Variants in YTHDF1 observed in about 807,000 individuals in gnomAD.
YTHDF1 encodes YTH N6-methyladenosine RNA binding protein F1.
Under a neutral mutation model 49.1 loss-of-function variants are expected in YTHDF1, and 16 were observed. The observed-to-expected ratio is 0.33, with a 90% confidence interval of 0.22 to 0.49. YTHDF1 has a LOEUF of 0.49. YTHDF1 is among the 20% of genes least tolerant of loss of function. YTHDF1 has a pLI of 0.99. For synonymous variants in YTHDF1, 313 were observed against 290.1 expected (o/e 1.08, Z -0.80); for missense variants, 621 against 744.3 (o/e 0.83, Z 1.93).
intron 4 of YTHDF1, among the ~76,000 whole-genome samples, chr20:63,200,048 G>C (rs1271178410): frequency 6.6e-6 from 1 of 151,456 alleles, no homozygotes; most frequent in Non-Finnish European, 1.5e-5. Context: ...AGAAAGACCT[G>C]TCTCAAAAAC....
intron 3 of YTHDF1, among the ~76,000 whole-genome samples, chr20:63,210,409 T>C (rs979194752): frequency 5.3e-5 from 8 of 152,182 alleles, no homozygotes; most frequent in Admixed American, 4.6e-4. Flanking sequence ...TAGGAACTGT[T>C]CTGGGTCATT....
chr20:63,211,989 AC>A (rs2066576731), intron 3 of YTHDF1, among the ~76,000 whole-genome samples: 2 of 135,966 alleles, frequency 1.5e-5, no homozygotes, highest in Middle Eastern at 4.3e-3. Context: ...ACACACACAC[AC>A]ACACACACAC....
At position 63,212,700 on chromosome 20, in the gene YTHDF1, A is replaced by C. The variant is rs186526909; in HGVS notation, c.132+1164T>G. ...CTCTTGGGAGTTTTGCTGCAACAGC[A>C]GCACAGAGGAGAGAGAGCAGCTCCC... On this transcript the variant is annotated intron_variant, in intron 3 of 4. Coordinates refer to ENST00000370339, the MANE Select transcript of YTHDF1 (RefSeq NM_017798.4). 9.8e-4 allele frequency among the ~76,000 whole-genome samples: 150 copies of C among 152,360 alleles called. 1 individual carries two copies. The highest frequency in any genetic ancestry group is 6.9e-4 in the Non-Finnish European group (47 of 68,036).
chr20:63,199,212 C>T (rs945997238), intron 4 of YTHDF1, among the ~76,000 whole-genome samples: 1 of 152,242 alleles, frequency 6.6e-6, no homozygotes, highest in Non-Finnish European at 1.5e-5. Flanking sequence ...CGGCACACTA[C>T]TTTGTTCTTA....
rs1376674093 is a variant in YTHDF1, at chr20:63,203,929, C to T, written c.133-122G>A. On this transcript the variant is annotated intron_variant, in intron 3 of 4. Coordinates refer to ENST00000370339, the MANE Select transcript of YTHDF1 (RefSeq NM_017798.4). This position sits in a 1 kb window ranked among gnomAD's most constrained non-coding sequence, Gnocchi z 4.4. ...AAACCTGCACAGCATGGGGCTACTC[C>T]TTCCAGAAAGAAAGCTGTAGTCGCC... 3.9e-5 allele frequency: 35 copies of T among 902,866 alleles called. No homozygotes were observed. The highest frequency in any genetic ancestry group is 5.7e-5 in the Non-Finnish European group (35 of 616,154). 55.9% of individuals were successfully genotyped at this position (902,866 alleles called of 1,614,324 possible). A position where few individuals can be genotyped will look rare whatever the true frequency, so the allele number is the denominator to read the frequency against.
intron 3 of YTHDF1, among the ~76,000 whole-genome samples, chr20:63,205,243 T>A (rs1304132002): frequency 6.6e-6 from 1 of 151,970 alleles, no homozygotes; most frequent in Admixed American, 6.6e-5. Flanking sequence ...GGACACCAGG[T>A]GGGAAAGTAG....
Position 63,213,901 on chromosome 20 carries a change from T to C in YTHDF1, c.95A>G (p.Asn32Ser), listed in dbSNP as rs765157672. Reference sequence around the variant, plus strand: ...TCCAGTAAGGTAGGGCTCAAAGTCATTGTCATGAACTGTATCCTTCTGATG... The same window carrying C: ...TCCAGTAAGGTAGGGCTCAAAGTCACTGTCATGAACTGTATCCTTCTGATG... ...SLHQKDTVHD[N>S]DFEPYLTGQS... The change falls in exon 3 of 5, where the codon AAT becomes AGT. Residue 32 changes from asparagine to serine, a missense_variant. Asn to Ser is a conservative substitution (Grantham distance 46, BLOSUM62 1). This residue lies in a region of YTHDF1 where 470 missense variants were observed against 495.8 expected (regional missense o/e 0.95). Transcript: ENST00000370339. 5.0e-6 allele frequency: 8 copies of C among 1,587,636 alleles called. No individual in the cohort carries two copies. The Admixed American group carries it at 9.7e-5, about 19-fold the overall frequency.
chr20:63,213,855 TAA>T lies in YTHDF1; in HGVS notation c.132+7_132+8del, dbSNP rs755801468. 1.1e-5 allele frequency: 18 copies of T among 1,599,912 alleles called. No individual in the cohort carries two copies. The East Asian group carries it at 3.8e-4, about 34-fold the overall frequency. ...TAAAAACAAATATATGCTAACAAAA[TAA>T]ACTCACCTGATTTGACTGTCCAGTA... On this transcript the variant is annotated splice_region_variant and intron_variant, in intron 3 of 4. Transcript: ENST00000370339.
chr20:63,205,113 A>T (rs138817896), intron 3 of YTHDF1, among the ~76,000 whole-genome samples: 1 of 152,154 alleles, frequency 6.6e-6, no homozygotes, highest in East Asian at 1.9e-4. Flanking sequence ...CCAAGTAACC[A>T]GAAGGTTCTA....
intron 2 of YTHDF1, among the ~76,000 whole-genome samples, chr20:63,214,851 G>T (rs1263826330): frequency 6.6e-6 from 1 of 152,192 alleles, no homozygotes; most frequent in Non-Finnish European, 1.5e-5. Context: ...ATGGGAGGCA[G>T]GTTTGCCCTC....
intron 3 of YTHDF1, among the ~76,000 whole-genome samples, chr20:63,206,082 G>A (rs942514119): frequency 2.0e-5 from 3 of 152,204 alleles, no homozygotes; most frequent in Non-Finnish European, 4.4e-5. Flanking sequence ...GTCACTGGCC[G>A]CAGGTGCCTT....
chr20:63,213,749 TTTA>T, intron 3 of YTHDF1, 112 bp downstream of exon 3: 1 of 937,036 alleles, frequency 1.1e-6, no homozygotes. Context: ...TTCCTAATAC[TTTA>T]TAGTCTGCTG....
At chr20:63,199,872 A>T (rs2066509770) in intron 4 of YTHDF1, among the ~76,000 whole-genome samples, 2 of 152,124 alleles carry the variant, frequency 1.3e-5, no homozygotes, top group Admixed American at 6.5e-5. Flanking sequence ...CAGCCTGGGC[A>T]ACATAGCAAG....
chr20:63,207,337 T>C (rs1050759432), intron 3 of YTHDF1, among the ~76,000 whole-genome samples: 9 of 151,852 alleles, frequency 5.9e-5, no homozygotes, highest in African/African-American at 9.7e-5. Flanking sequence ...GGCGTGGTGG[T>C]GGGTGCCTGT....
chr20:63,203,085 G>T lies in YTHDF1; in HGVS notation c.855C>A (p.Val285=). The T allele has an allele frequency of 6.2e-7, 1 of 1,607,360 alleles. No individual in the cohort carries two copies. Among genetic ancestry groups the T allele is most frequent in the Non-Finnish European group, 8.5e-7 (1 of 1,176,022 alleles). The change falls in exon 4 of 5, where the codon GTC becomes GTA. Residue 285 remains valine, a synonymous_variant. Coordinates refer to ENST00000370339, the MANE Select transcript of YTHDF1 (RefSeq NM_017798.4). This position sits in a 1 kb window ranked among gnomAD's most constrained non-coding sequence, Gnocchi z 4.4. ...CCTGTGGAGAGGGTGCCTGCTGGGG[G>T]ACTGGGGCCTTCGGCACAGGCCCCT... The part of the protein sequence containing the change: ...DNKGPVPKAP[V]PQQAPSPQAA...
rs1416446002 is a variant in YTHDF1 at position 63,203,638 on chromosome 20, T to C, written c.302A>G (p.His101Arg). The change falls in exon 4 of 5, where the codon CAC becomes CGC. Residue 101 changes from histidine (H) to arginine (R), a missense_variant. Around this residue, in one of 2 missense-constraint regions of YTHDF1, gnomAD observed 470 missense variants for 495.8 expected, o/e 0.95. Transcript: ENST00000370339. The surrounding 1 kb of genome is among the most constrained non-coding windows in gnomAD (Gnocchi z 4.4). ...CCCAGGCTGCCCAAAAACAGCATCGTGCATAAAATGATGGTCTCCGTTACT... is the reference window on the plus strand; with the variant it reads ...CCCAGGCTGCCCAAAAACAGCATCGCGCATAAAATGATGGTCTCCGTTACT... ...QLSNGDHHFMHDAVFGQPGGL... is the reference protein window; with the variant it reads ...QLSNGDHHFMRDAVFGQPGGL... 1 of 1,614,014 alleles carries C rather than the reference T, an allele frequency of 6.2e-7. No homozygotes were observed. Among genetic ancestry groups the C allele is most frequent in the East Asian group, 2.2e-5 (1 of 44,896 alleles).
chr20:63,214,096 T>G, intron 2 of YTHDF1, 153 bp from the exon 3 acceptor site: 1 of 968,014 alleles, frequency 1.0e-6, no homozygotes, highest in African/African-American at 1.8e-5. Flanking sequence ...AACTGATGTT[T>G]ATACAACTAA....
rs1217298172 is a variant in YTHDF1, at chr20:63,203,084, G to A, written c.856C>T (p.Pro286Ser). The change falls in exon 4 of 5, where the codon CCC (proline) becomes TCC (serine). Residue 286 changes from proline to serine, a missense_variant. This residue lies in a region of YTHDF1 where 470 missense variants were observed against 495.8 expected (regional missense o/e 0.95). Coordinates refer to ENST00000370339, the MANE Select transcript of YTHDF1 (RefSeq NM_017798.4). This position sits in a 1 kb window ranked among gnomAD's most constrained non-coding sequence, Gnocchi z 4.4. ...GCCTGTGGAGAGGGTGCCTGCTGGG[G>A]GACTGGGGCCTTCGGCACAGGCCCC... ...NKGPVPKAPV[P>S]QQAPSPQAAP... 2 of 1,607,046 alleles carry A rather than the reference G, an allele frequency of 1.2e-6. No homozygotes were observed. The highest frequency in any genetic ancestry group is 1.7e-5 in the Admixed American group (1 of 59,506).
chr20:63,205,231 G>C (rs905823223), intron 3 of YTHDF1, among the ~76,000 whole-genome samples: 1 of 152,118 alleles, frequency 6.6e-6, no homozygotes, highest in East Asian at 1.9e-4. Context: ...GCACCCAGTC[G>C]GGGACACCAG....
Sources: gnomAD v4.1 joint callset for allele counts (sites outside exome capture counted in the v4.1 genomes callset) on GRCh38, gnomAD v4.1.1 for gene constraint, gnomAD v4.1.1 regional missense constraint, Gnocchi (gnomAD v3.1) non-coding constraint, MANE v1.5 for transcripts, NCBI Gene and HGNC (gene_info 2026-07-23, HGNC 2026-07-21) for gene names.